Variants in NEK7 observed in about 807,000 individuals in gnomAD.
NEK7 encodes the protein serine/threonine-protein kinase Nek7.
In NEK7, 18 loss-of-function variants were observed where a neutral mutation model predicts 44.6. The ratio of observed to expected loss-of-function variants is 0.40; its 90% CI spans 0.28 to 0.60. The LOEUF is 0.60. Among genes scored for constraint, NEK7 ranks in the 20% least tolerant of loss-of-function variants. The pLI, the probability that NEK7 is intolerant of heterozygous loss-of-function variation, is 0.38. For synonymous variants in NEK7, 130 were observed against 121.1 expected, an observed-to-expected ratio of 1.07 and a Z score of -0.48; for missense variants, 256 against 366.5, an observed-to-expected ratio of 0.70 and a Z score of 2.46.
intron 1 of NEK7, among the ~76,000 whole-genome samples, chr1:198,158,227 A>G (rs1475716379): frequency 2.0e-5 from 3 of 152,348 alleles, no homozygotes; most frequent in African/African-American, 7.2e-5. Flanking sequence ...AGTAAGATAC[A>G]TGTTACTGTC....
chr1:198,268,330 T>C (rs1653721149), intron 5 of NEK7, among the ~76,000 whole-genome samples: 1 of 150,126 alleles, frequency 6.7e-6, no homozygotes, highest in South Asian at 2.1e-4. Flanking sequence ...CCTCCCATGT[T>C]CCCTAACTCG....
intron 1 of NEK7, among the ~76,000 whole-genome samples, chr1:198,226,860 A>C (rs1666242507): frequency 2.0e-5 from 1 of 49,282 alleles, no homozygotes; most frequent in African/African-American, 8.7e-5. Flanking sequence ...GCTTTGTCTG[A>C]TTGTAGATCT....
At chr1:198,165,146 G>A (rs1664228160) in intron 1 of NEK7, among the ~76,000 whole-genome samples, 1 of 152,196 alleles carries the variant, frequency 6.6e-6, no homozygotes, top group Non-Finnish European at 1.5e-5. Flanking sequence ...CACATTTGTA[G>A]TGACTTCCTT....
intron 2 of NEK7, among the ~76,000 whole-genome samples, chr1:198,246,475 A>G (rs185012619): frequency 2.0e-5 from 3 of 152,338 alleles, no homozygotes; most frequent in Admixed American, 1.3e-4. Context: ...TGCTCAGGCC[A>G]TATCAACCTA....
intron 3 of NEK7, among the ~76,000 whole-genome samples, chr1:198,260,383 T>C (rs1164635972): frequency 1.3e-5 from 2 of 152,062 alleles, no homozygotes; most frequent in Non-Finnish European, 2.9e-5. Context: ...ATGTGAACTT[T>C]GTGATAGTGA....
At chr1:198,159,288 C>G (rs1003839895) in intron 1 of NEK7, among the ~76,000 whole-genome samples, 10 of 152,042 alleles carry the variant, frequency 6.6e-5, no homozygotes, top group African/African-American at 2.4e-4. Context: ...GAGGGCCAGC[C>G]TGGAGAAAGA....
chr1:198,251,966 T>C (rs1220654613), intron 2 of NEK7, among the ~76,000 whole-genome samples: 3 of 152,184 alleles, frequency 2.0e-5, no homozygotes, highest in African/African-American at 4.8e-5. Flanking sequence ...ATTGTGATGT[T>C]AAGGTGTCAG....
At chr1:198,259,934 T>C (rs1653400673) in intron 3 of NEK7, among the ~76,000 whole-genome samples, 1 of 152,182 alleles carries the variant, frequency 6.6e-6, no homozygotes, top group Non-Finnish European at 1.5e-5. Flanking sequence ...TACATCACTT[T>C]GAACAAGTAG....
intron 7 of NEK7, among the ~76,000 whole-genome samples, chr1:198,286,122 A>T (rs1421198166): frequency 2.6e-5 from 4 of 152,164 alleles, no homozygotes; most frequent in African/African-American, 9.7e-5. Context: ...AACATTTATA[A>T]TAAAAAATAG....
intron 1 of NEK7, among the ~76,000 whole-genome samples, chr1:198,218,818 A>G (rs1006998743): frequency 2.0e-5 from 3 of 151,986 alleles, no homozygotes; most frequent in African/African-American, 4.8e-5. Flanking sequence ...GCTCAACATC[A>G]CTTATCATCA....
chr1:198,186,843 A>G lies in NEK7; in HGVS notation c.-29+29567A>G, dbSNP rs190211348. ...CCTAGGATTCTGGACTCAACAAATT[A>G]AGTAAAGTCCCAGACAGTACTAGTA... On this transcript the variant is annotated intron_variant, in intron 1 of 9. Transcript: ENST00000367385. Among the ~76,000 whole-genome samples the G allele has an allele frequency of 1.2e-4, 19 of 152,318 alleles. No homozygotes were observed. The East Asian group carries it at 3.3e-3, about 26-fold the overall frequency.
chr1:198,279,653 T>A (rs1333451131), intron 7 of NEK7, among the ~76,000 whole-genome samples: 2 of 151,332 alleles, frequency 1.3e-5, no homozygotes. Context: ...TTTGCTTAAA[T>A]TTAATGGTGC....
intron 2 of NEK7, among the ~76,000 whole-genome samples, chr1:198,250,884 C>A (rs1484400794): frequency 1.3e-5 from 2 of 151,932 alleles, no homozygotes; most frequent in Non-Finnish European, 2.9e-5. Context: ...CCTTCTCCTG[C>A]CTAATTGCCC....
chr1:198,301,223 G>A (rs1230550720), intron 9 of NEK7, among the ~76,000 whole-genome samples: 3 of 152,174 alleles, frequency 2.0e-5, no homozygotes, highest in Non-Finnish European at 2.9e-5. Context: ...CATAAGAAAG[G>A]TTGACACAGT....
At chr1:198,266,661 T>C (rs996949324) in intron 5 of NEK7, among the ~76,000 whole-genome samples, 1 of 152,088 alleles carries the variant, frequency 6.6e-6, no homozygotes, top group African/African-American at 2.4e-5. Flanking sequence ...TCTACATCAA[T>C]AAAATTGGGT....
intron 1 of NEK7, among the ~76,000 whole-genome samples, chr1:198,215,295 C>T (rs1665885960): frequency 6.6e-6 from 1 of 152,100 alleles, no homozygotes; most frequent in Non-Finnish European, 1.5e-5. Context: ...TAGGTAACAA[C>T]ATGATGACTG....
At position 198,279,076 on chromosome 1, in the gene NEK7, A is replaced by G; in HGVS notation, c.589+15A>G. ...ACATTCTTTAGGTAAGAGACACAAT[A>G]TAATTTCATTCAGTTACTTTGTGTA... is the stretch of plus-strand genomic sequence containing the variant. On this transcript the variant is annotated intron_variant, in intron 7 of 9. Transcript: ENST00000367385. 6.8e-7 allele frequency: 1 copy of G among 1,471,542 alleles called. No individual in the cohort carries two copies. Among genetic ancestry groups the G allele is most frequent in the Non-Finnish European group, 9.5e-7 (1 of 1,050,922 alleles). The allele number at this position is 1,471,542 out of a possible 1,614,324, so 91.2% of individuals were successfully genotyped here.
chr1:198,227,175 G>GT (rs1453613219), intron 1 of NEK7, among the ~76,000 whole-genome samples: 2 of 151,944 alleles, frequency 1.3e-5, no homozygotes, highest in Admixed American at 1.3e-4. Flanking sequence ...AGCTTCATCC[G>GT]TGTCCCTACA....
At chr1:198,220,376 G>A (rs1221730765) in intron 1 of NEK7, among the ~76,000 whole-genome samples, 2 of 151,922 alleles carry the variant, frequency 1.3e-5, no homozygotes, top group Non-Finnish European at 2.9e-5. Flanking sequence ...CCTTTAAATG[G>A]AGAAGGGCTT....
Sources: gnomAD v4.1 joint callset for allele counts (sites outside exome capture counted in the v4.1 genomes callset) on GRCh38, gnomAD v4.1.1 for gene constraint, MANE v1.5 for transcripts, NCBI Gene and HGNC (gene_info 2026-07-23, HGNC 2026-07-21) for gene names.